LCOR: variants seen among roughly 807,000 people sequenced by gnomAD.
The protein encoded by LCOR is ligand dependent nuclear receptor corepressor.
A neutral mutation model predicts 64.4 loss-of-function variants in LCOR; 14 were observed. The ratio of observed to expected loss-of-function variants is 0.22; its 90% CI spans 0.14 to 0.34. The LOEUF is 0.34. LCOR is among the 10% of genes least tolerant of loss of function. The pLI is 1.00. For synonymous variants in LCOR, 643 were observed against 642.5 expected (o/e 1.00, Z -0.01); for missense variants, 1,686 against 1,765.3 (o/e 0.96, Z 0.80).
chr10:96,932,265 T>C (rs1316965479), intron 4 of LCOR, among the ~76,000 whole-genome samples: 2 of 152,098 alleles, frequency 1.3e-5, no homozygotes, highest in Non-Finnish European at 2.9e-5. Flanking sequence ...CCCTCAAACA[T>C]TGCTTGGAAA....
Position 96,833,386 on chromosome 10 carries a change from G to C in LCOR, c.-403-20G>C. 1 of 985,774 alleles carries C rather than the reference G, an allele frequency of 1.0e-6. No individual in the cohort carries two copies. The highest frequency in any genetic ancestry group is 1.2e-6 in the Non-Finnish European group (1 of 829,826). 61.1% of individuals were successfully genotyped at this position (985,774 alleles called of 1,614,324 possible). The stretch of plus-strand genomic sequence containing the variant: ...CTGCGCCTCTCACACTGTGTGTTTT[G>C]TCTGTTTTTCTCTCCCAAGGTCCCG... On this transcript the variant is annotated intron_variant, in intron 1 of 7. Transcript: ENST00000421806.
intron 7 of LCOR, chr10:96,956,412 G>C (rs761536508): frequency 1.0e-6 from 1 of 985,136 alleles, no homozygotes; most frequent in Non-Finnish European, 1.2e-6. Context: ...TCAACTAATC[G>C]AAGGATTAAA....
chr10:96,912,576 C>T (rs1045605271), intron 4 of LCOR, among the ~76,000 whole-genome samples: 8 of 151,832 alleles, frequency 5.3e-5, no homozygotes, highest in Non-Finnish European at 8.8e-5. Context: ...TGCTGTCTGC[C>T]TCTTTTCTGT....
At chr10:96,879,333 T>G (rs1846221988) in intron 2 of LCOR, among the ~76,000 whole-genome samples, 1 of 152,160 alleles carries the variant, frequency 6.6e-6, no homozygotes, top group South Asian at 2.1e-4. Flanking sequence ...AGAGTTCACA[T>G]TCTAAATCAC....
intron 7 of LCOR, chr10:96,959,202 T>A (rs1847842456): frequency 6.6e-6 from 1 of 152,160 alleles, no homozygotes; most frequent in African/African-American, 2.4e-5. Flanking sequence ...CCTCACAATG[T>A]GTAATAGAGA....
At chr10:96,904,687 G>A (rs1302856803) in intron 2 of LCOR, among the ~76,000 whole-genome samples, 2 of 152,138 alleles carry the variant, frequency 1.3e-5, no homozygotes, top group African/African-American at 2.4e-5. Flanking sequence ...ATAACGGCAT[G>A]GCTGTCTTTT....
At chr10:96,901,184 C>CA (rs1042277072) in intron 2 of LCOR, among the ~76,000 whole-genome samples, 20 of 147,190 alleles carry the variant, frequency 1.4e-4, no homozygotes, top group South Asian at 6.4e-4. Context: ...GACTCCGTCT[C>CA]AAAAAAAAAA....
At chr10:96,886,807 CA>C (rs1846352064) in intron 2 of LCOR, among the ~76,000 whole-genome samples, 1 of 152,162 alleles carries the variant, frequency 6.6e-6, no homozygotes, top group Non-Finnish European at 1.5e-5. Flanking sequence ...TACACATCTC[CA>C]GTCAAAAGTA....
chr10:96,950,566 C>T (rs190627378), intron 6 of LCOR, among the ~76,000 whole-genome samples: 140 of 152,088 alleles, frequency 9.2e-4, no homozygotes, highest in Non-Finnish European at 3.1e-4. Flanking sequence ...TAAAATGATA[C>T]CACTTAATCT....
rs764738485 is a variant in LCOR, at chr10:96,983,796, C to T, written c.3336C>T (p.Ala1112=). 2.5e-5 allele frequency: 40 copies of T among 1,614,086 alleles called. No homozygotes were observed. In the South Asian group the frequency reaches 4.3e-4, roughly 17 times the overall value. The stretch of plus-strand genomic sequence containing the variant: ...AGGAGGAGAACCAAGAGCTCATCGC[C>T]AACTTCAATGCCCAGTACATGAAAG... ...CAEEENQELI[A]NFNAQYMKVQ... is the part of the protein sequence containing the mutation. Residue 1112 remains alanine, a synonymous_variant, in exon 8 of 8, where the codon GCC becomes GCT. Coordinates refer to ENST00000421806, the MANE Select transcript of LCOR (RefSeq NM_001346516.2). This position sits in a 1 kb window ranked among gnomAD's most constrained non-coding sequence, Gnocchi z 4.5.
In LCOR at chr10:96,984,999, G is replaced by A. The variant is rs1194253736; in HGVS notation, c.4539G>A (p.Arg1513=). 1.2e-6 allele frequency: 2 copies of A among 1,614,202 alleles called. No homozygotes were observed. Among genetic ancestry groups the A allele is most frequent in the Admixed American group, 3.3e-5 (2 of 60,018 alleles). The change falls in exon 8 of 8, where the codon AGG becomes AGA. Residue 1513 remains arginine, a synonymous_variant. Transcript: ENST00000421806. ...CAAGGCCTCAGAAAGCCACGAATAG[G>A]AAGCAGAGTAGTGGAAAGACTCGGG... The part of the protein sequence containing the change: ...SSSRPQKATN[R]KQSSGKTRAR...
intron 4 of LCOR, among the ~76,000 whole-genome samples, chr10:96,924,294 C>T (rs1362917914): frequency 6.6e-6 from 1 of 152,188 alleles, no homozygotes; most frequent in Non-Finnish European, 1.5e-5. Context: ...CTTCAACCTC[C>T]TGGGCTCAAG....
rs554501291 is a variant in LCOR, at chr10:96,894,494, CACTTT to C, written c.-329-12770_-329-12766del. Among the ~76,000 whole-genome samples the C allele has an allele frequency of 2.2e-3, 326 of 150,018 alleles. 3 individuals carry two copies. Among genetic ancestry groups the C allele is most frequent in the African/African-American group, 7.8e-3 (310 of 39,792 alleles). ...ATTGAAAAGGAGTGTTGAAAAGGTT[CACTTT>C]TGGAAGAATTTGAAAGCCAGACTAA... is the stretch of plus-strand genomic sequence containing the variant. On this transcript the variant is annotated intron_variant, in intron 2 of 7. Coordinates refer to ENST00000421806, the MANE Select transcript of LCOR (RefSeq NM_001346516.2).
intron 6 of LCOR, 99 bp downstream of exon 6, chr10:96,949,394 A>G: frequency 1.9e-6 from 2 of 1,077,286 alleles, no homozygotes; most frequent in Non-Finnish European, 2.8e-6. Context: ...CAGCAATAAT[A>G]GCATAAAAAC....
At chr10:96,913,969 G>A (rs1446997459) in intron 4 of LCOR, among the ~76,000 whole-genome samples, 1 of 152,120 alleles carries the variant, frequency 6.6e-6, no homozygotes, top group African/African-American at 2.4e-5. Flanking sequence ...TGGATGAGCA[G>A]AGATGAAAGG....
intron 4 of LCOR, chr10:96,915,549 A>C (rs1846925970): frequency 3.2e-6 from 2 of 629,248 alleles, no homozygotes; most frequent in South Asian, 1.6e-5. Context: ...AAAATTCTGC[A>C]TTTTTATGAA....
intron 7 of LCOR, chr10:96,955,076 A>C (rs1847744666): frequency 1.2e-6 from 2 of 1,614,190 alleles, no homozygotes; most frequent in East Asian, 4.5e-5. Flanking sequence ...TCAAAGTTCC[A>C]CTGGCTCGAT....
chr10:96,858,267 A>G (rs1171939605), intron 2 of LCOR, among the ~76,000 whole-genome samples: 1 of 152,180 alleles, frequency 6.6e-6, no homozygotes, highest in African/African-American at 2.4e-5. Flanking sequence ...TTACTTCAAA[A>G]TGTAATGCTT....
chr10:96,939,587 A>G (rs1056996956), intron 4 of LCOR, among the ~76,000 whole-genome samples: 2 of 152,230 alleles, frequency 1.3e-5, no homozygotes, highest in Non-Finnish European at 2.9e-5. Flanking sequence ...TGCAAATCAT[A>G]TATCTAATAA....
Sources: gnomAD v4.1 joint callset for allele counts (sites outside exome capture counted in the v4.1 genomes callset) on GRCh38, gnomAD v4.1.1 for gene constraint, Gnocchi (gnomAD v3.1) non-coding constraint, MANE v1.5 for transcripts, NCBI Gene and HGNC (gene_info 2026-07-23, HGNC 2026-07-21) for gene names.